Variants in REXO4 observed in about 807,000 individuals in gnomAD.
REXO4 encodes RNA exonuclease 4.
A neutral mutation model predicts 39.9 loss-of-function variants in REXO4; 29 were observed. That is an observed-to-expected ratio of 0.73 (90% CI 0.54 to 0.99). The LOEUF is 0.99. REXO4 is among the 50% of genes least tolerant of loss of function. REXO4 has a pLI of 0.00. For synonymous variants in REXO4, 184 were observed against 206.2 expected (o/e 0.89, Z 0.92); for missense variants, 524 against 546.5 (o/e 0.96, Z 0.41).
chr9:133,407,928 A>G, intron 6 of REXO4, 47 bp from the exon 7 acceptor site: 1 of 1,476,076 alleles, frequency 6.8e-7, no homozygotes, highest in East Asian at 2.3e-5. Flanking sequence ...GGCTCGGCCC[A>G]AAGAGGGTCA....
In REXO4 at chr9:133,413,353, C is replaced by T. The variant is rs935353028; in HGVS notation, c.573-432G>A. On this transcript the variant is annotated intron_variant, in intron 2 of 7. Coordinates refer to ENST00000371942, the MANE Select transcript of REXO4 (RefSeq NM_020385.4). ...CTGACCTCAAGTGATCCACCTGCCT[C>T]GGCCTCCCAAAGAGCTGGGATTACA... Among the ~76,000 whole-genome samples, 7 of 152,242 alleles carry T rather than the reference C, an allele frequency of 4.6e-5. No homozygotes were observed. In the East Asian group the frequency reaches 5.8e-4, roughly 13 times the overall value.
intron 1 of REXO4, among the ~76,000 whole-genome samples, chr9:133,416,461 C>G (rs1196921158): frequency 6.6e-6 from 1 of 152,200 alleles, no homozygotes; most frequent in Non-Finnish European, 1.5e-5. Flanking sequence ...GATCCTCCTG[C>G]CTGGGCCTCC....
chr9:133,417,712 C>CT lies in REXO4; in HGVS notation c.132dup (p.Val45SerfsTer112), dbSNP rs1839749589. ...GGGCCGCTTGCTGGCTTCTTGCTTA[C>CT]TTCCCGCGCCTTGCTTTTCCAAAAC... On this transcript the variant is annotated frameshift_variant, in exon 1 of 8. Coordinates refer to ENST00000371942, the MANE Select transcript of REXO4 (RefSeq NM_020385.4). LOFTEE classifies it high-confidence loss of function. 6.2e-7 allele frequency: 1 copy of CT among 1,614,162 alleles called. No homozygotes were observed. Among genetic ancestry groups the CT allele is most frequent in the African/African-American group, 1.3e-5 (1 of 75,076 alleles).
At chr9:133,411,212 G>T in intron 4 of REXO4, 139 bp from the exon 5 acceptor site, 1 of 718,294 alleles carries the variant, frequency 1.4e-6, no homozygotes, top group Non-Finnish European at 2.4e-6. Context: ...AGGGTGACTC[G>T]AAGCCACCAC....
chr9:133,414,690 CCTTAG>C lies in REXO4; in HGVS notation c.542_546del (p.Ala181GlyfsTer15). On this transcript the variant is annotated frameshift_variant, in exon 2 of 8. Coordinates refer to ENST00000371942, the MANE Select transcript of REXO4 (RefSeq NM_020385.4). LOFTEE classifies it high-confidence loss of function. Reference sequence around the variant, plus strand: ...TCGGTGGGTGGGGCTGGGGCTGCCTCCTTAGCTTTCCGCTTCTTATGCTCGATGTC... The same window carrying C: ...TCGGTGGGTGGGGCTGGGGCTGCCTCCTTTCCGCTTCTTATGCTCGATGTC... The C allele has an allele frequency of 6.2e-7, 1 of 1,614,028 alleles. No individual in the cohort carries two copies. Among genetic ancestry groups the C allele is most frequent in the Non-Finnish European group, 8.5e-7 (1 of 1,179,958 alleles).
At chr9:133,416,222 AAAC>A (rs902112240) in intron 1 of REXO4, among the ~76,000 whole-genome samples, 3 of 152,136 alleles carry the variant, frequency 2.0e-5, no homozygotes, top group African/African-American at 7.2e-5. Flanking sequence ...GGCTCTTTTT[AAAC>A]AACCAGCTCT....
intron 5 of REXO4, among the ~76,000 whole-genome samples, chr9:133,410,345 A>G (rs1439872349): frequency 6.6e-6 from 1 of 152,172 alleles, no homozygotes; most frequent in African/African-American, 2.4e-5. Flanking sequence ...TTCTCCTGTA[A>G]ATACACACGT....
intron 1 of REXO4, among the ~76,000 whole-genome samples, chr9:133,416,062 G>A (rs13300216): frequency 0.055 from 8,334 of 152,248 alleles, 325 homozygotes; most frequent in Non-Finnish European, 0.087. Flanking sequence ...AAGAAAAAAC[G>A]TTTATGTAGC....
At chr9:133,413,606 C>T (rs1839365997) in intron 2 of REXO4, among the ~76,000 whole-genome samples, 1 of 152,174 alleles carries the variant, frequency 6.6e-6, no homozygotes, top group Non-Finnish European at 1.5e-5. Context: ...AAACACAGAA[C>T]CCCTTGCCCT....
chr9:133,417,073 C>A (rs1252426049), intron 1 of REXO4, among the ~76,000 whole-genome samples: 1 of 152,206 alleles, frequency 6.6e-6, no homozygotes, highest in African/African-American at 2.4e-5. Flanking sequence ...TGCAGTGGCG[C>A]GATTTCGGCT....
chr9:133,409,650 C>G (rs950591297), intron 5 of REXO4, among the ~76,000 whole-genome samples: 2 of 152,178 alleles, frequency 1.3e-5, no homozygotes, highest in Non-Finnish European at 2.9e-5. Context: ...CAGCCTTAAC[C>G]TCCTGGGCTC....
At position 133,412,630 on chromosome 9, in the gene REXO4, G is replaced by A. The variant is rs73660487; in HGVS notation, c.717-138C>T. 1.6e-4 allele frequency: 228 copies of A among 1,397,688 alleles called. No homozygotes were observed. In the African/African-American group the frequency reaches 2.9e-3, roughly 18 times the overall value. The allele number at this position is 1,397,688 out of a possible 1,614,324, so 86.6% of individuals were successfully genotyped here. On this transcript the variant is annotated intron_variant, in intron 3 of 7. Transcript: ENST00000371942. ...TCACTCATTTGCACCCACGTGACAA[G>A]CTCTGTGTGGTCCTGGTTCTTAGCA...
Position 133,406,897 on chromosome 9 carries a change from T to C in REXO4, c.*56A>G, listed in dbSNP as rs587771550. 2 of 1,602,114 alleles carry C rather than the reference T, an allele frequency of 1.2e-6. No homozygotes were observed. Among genetic ancestry groups the C allele is most frequent in the Admixed American group, 1.7e-5 (1 of 59,994 alleles). Reference sequence around the variant, plus strand: ...ACTCTGGGGAGATGTGATCTGTCCCTGTGACTGGTCACATTGCCTCTGTAG... The same window carrying C: ...ACTCTGGGGAGATGTGATCTGTCCCCGTGACTGGTCACATTGCCTCTGTAG... On this transcript the variant is annotated 3_prime_UTR_variant, in exon 8 of 8. Transcript: ENST00000371942.
At position 133,407,791 on chromosome 9, in the gene REXO4, C is replaced by A. The variant is rs1554779230; in HGVS notation, c.1149+16G>T. The A allele has an allele frequency of 1.2e-6, 2 of 1,611,860 alleles. No individual in the cohort carries two copies. The highest frequency in any genetic ancestry group is 2.2e-5 in the East Asian group (1 of 44,810). On this transcript the variant is annotated intron_variant, in intron 7 of 7. Coordinates refer to ENST00000371942, the MANE Select transcript of REXO4 (RefSeq NM_020385.4). ...CCGCCCCAAACCCCATGAACTACCCCACAGGACACACTTACTGAACAGTGC... is the reference window on the plus strand; with the variant it reads ...CCGCCCCAAACCCCATGAACTACCCAACAGGACACACTTACTGAACAGTGC...
chr9:133,417,474 G>A (rs1363664291), intron 1 of REXO4, 146 bp downstream of exon 1: 45 of 806,714 alleles, frequency 5.6e-5, no homozygotes, highest in Non-Finnish European at 8.4e-5. Context: ...CCCTCAACAG[G>A]CCACCTTTCT....
intron 5 of REXO4, among the ~76,000 whole-genome samples, chr9:133,410,030 C>T (rs1039180253): frequency 6.6e-6 from 1 of 152,162 alleles, no homozygotes; most frequent in African/African-American, 2.4e-5. Flanking sequence ...GGGTTCTCAC[C>T]TCAGTTTCAC....
At chr9:133,409,286 G>A (rs191152540) in intron 5 of REXO4, among the ~76,000 whole-genome samples, 67 of 152,016 alleles carry the variant, frequency 4.4e-4, no homozygotes, top group Non-Finnish European at 7.9e-4. Flanking sequence ...CATCTTGTAG[G>A]GAATCCAAGT....
In REXO4 at chr9:133,406,651, A is replaced by G; in HGVS notation, c.*302T>C. 1 of 418,302 alleles carries G rather than the reference A, an allele frequency of 2.4e-6. No homozygotes were observed. The highest frequency in any genetic ancestry group is 4.5e-6 in the Non-Finnish European group (1 of 223,036). The allele number at this position is 418,302 out of a possible 1,614,324, so 25.9% of individuals were successfully genotyped here. On this transcript the variant is annotated 3_prime_UTR_variant, in exon 8 of 8. Coordinates refer to ENST00000371942, the MANE Select transcript of REXO4 (RefSeq NM_020385.4). The stretch of plus-strand genomic sequence containing the variant: ...AGCACCGTATGGACTGGCGGCCCAC[A>G]GGCCCCAACCTCACCTGGCCCAGGG...
At chr9:133,416,061 C>T (rs1266401376) in intron 1 of REXO4, among the ~76,000 whole-genome samples, 5 of 152,122 alleles carry the variant, frequency 3.3e-5, no homozygotes, top group African/African-American at 4.8e-5. Context: ...AAAGAAAAAA[C>T]GTTTATGTAG....
Sources: allele counts gnomAD v4.1 joint callset (sites outside exome capture counted in the v4.1 genomes callset), GRCh38; gene constraint gnomAD v4.1.1; transcripts MANE v1.5; gene names NCBI Gene and HGNC (gene_info 2026-07-23, HGNC 2026-07-21).